The following CNTN3 variants were observed in gnomAD, a reference collection of about 807,000 sequenced individuals.
CNTN3 encodes the protein contactin-3.
In CNTN3, 60 loss-of-function variants were observed where a neutral mutation model predicts 119.1. The ratio of observed to expected loss-of-function variants is 0.50; its 90% confidence interval spans 0.41 to 0.62. The LOEUF is 0.62. Ranked by LOEUF, CNTN3 falls within the 20% of genes least tolerant of loss-of-function variation. The pLI is 0.00. For synonymous variants in CNTN3, 450 were observed against 438.7 expected (o/e 1.03, Z -0.32); for missense variants, 1,101 against 1,242.4 (o/e 0.89, Z 1.71).
chr3:74,332,053 CT>C (rs1230627502), intron 13 of CNTN3, among the ~76,000 whole-genome samples: 1 of 152,186 alleles, frequency 6.6e-6, no homozygotes, highest in Admixed American at 6.5e-5. Flanking sequence ...TGAACTACCC[CT>C]AACCTATTTT....
intron 3 of CNTN3, among the ~76,000 whole-genome samples, chr3:74,496,522 T>G (rs917867285): frequency 1.1e-4 from 17 of 152,046 alleles, no homozygotes; most frequent in African/African-American, 4.1e-4. Context: ...TGTTGGCATG[T>G]ACCTATTTTA....
At chr3:74,433,634 T>C (rs1465438703) in intron 4 of CNTN3, among the ~76,000 whole-genome samples, 2 of 152,158 alleles carry the variant, frequency 1.3e-5, no homozygotes, top group South Asian at 4.1e-4. Context: ...TTCAGCTTCA[T>C]CTGCCTCCCA....
In CNTN3 at chr3:74,364,461, C is replaced by T. The variant is rs2106777677; in HGVS notation, c.1213+6G>A. ...TTAAGAGAAGAGCAGAGAAAATCAG[C>T]CTTACCAACAACTTTGAGCTCAGCA... is the stretch of plus-strand genomic sequence containing the variant. On this transcript the variant is annotated splice_donor_region_variant and intron_variant, in intron 10 of 22. Transcript: ENST00000263665. The T allele has an allele frequency of 6.2e-7, 1 of 1,608,798 alleles. No homozygotes were observed. The highest frequency in any genetic ancestry group is 1.1e-5 in the South Asian group (1 of 90,410).
At chr3:74,430,567 C>T (rs1040362048) in intron 4 of CNTN3, among the ~76,000 whole-genome samples, 1 of 151,816 alleles carries the variant, frequency 6.6e-6, no homozygotes, top group African/African-American at 2.4e-5. Flanking sequence ...ATAGTGAGAC[C>T]CCATCTCTTA....
In CNTN3 at chr3:74,264,510, G is replaced by A. The variant is rs1361185885; in HGVS notation, c.2987-9C>T. The A allele has an allele frequency of 5.1e-6, 8 of 1,571,926 alleles. No homozygotes were observed. In the African/African-American group the frequency reaches 1.1e-4, roughly 21 times the overall value. On this transcript the variant is annotated splice_polypyrimidine_tract_variant and intron_variant, in intron 22 of 22. Coordinates refer to ENST00000263665, the MANE Select transcript of CNTN3 (RefSeq NM_020872.3). The stretch of plus-strand genomic sequence containing the variant: ...TCCTCTTGCATCCATACCTGTCAAA[G>A]TTGATGAAGAGCTCATTAATAAGGA...
intron 13 of CNTN3, among the ~76,000 whole-genome samples, chr3:74,331,999 T>A (rs529275721): frequency 6.6e-6 from 1 of 152,234 alleles, no homozygotes; most frequent in Admixed American, 6.5e-5. Context: ...GTTCCAATAA[T>A]TGGCTGATTC....
At position 74,458,240 on chromosome 3, in the gene CNTN3, A is replaced by G. The variant is rs1013682082; in HGVS notation, c.358+28216T>C. 4.6e-5 allele frequency among the ~76,000 whole-genome samples: 7 copies of G among 152,010 alleles called. 1 individual carries two copies. Among genetic ancestry groups the G allele is most frequent in the African/African-American group, 4.8e-5 (2 of 41,428 alleles). On this transcript the variant is annotated intron_variant, in intron 4 of 22. Transcript: ENST00000263665. ...CAATTGAAAATCAAAAAACTTATAA[A>G]GTCATTAATAATAAAAGTAGTTTAT...
At chr3:74,521,551 T>A (rs745691087) in intron 1 of CNTN3, among the ~76,000 whole-genome samples, 1 of 151,768 alleles carries the variant, frequency 6.6e-6, no homozygotes, top group Non-Finnish European at 1.5e-5. Context: ...CTGGCAAAAC[T>A]AACAGAGTCA....
chr3:74,408,218 T>G (rs1701368845), intron 5 of CNTN3, among the ~76,000 whole-genome samples: 1 of 152,202 alleles, frequency 6.6e-6, no homozygotes, highest in African/African-American at 2.4e-5. Flanking sequence ...TTGTGTTACA[T>G]AAATCCCTGG....
chr3:74,278,882 A>C (rs963313343), intron 20 of CNTN3, among the ~76,000 whole-genome samples: 2 of 152,176 alleles, frequency 1.3e-5, no homozygotes, highest in Non-Finnish European at 2.9e-5. Flanking sequence ...AATATCCAGA[A>C]TCTACAACGA....
At chr3:74,520,917 T>TTA (rs1250654602) in intron 2 of CNTN3, 141 bp downstream of exon 2, 1 of 482,416 alleles carries the variant, frequency 2.1e-6, no homozygotes, top group African/African-American at 2.0e-5. Flanking sequence ...ATTAGAGAAT[T>TTA]TAAATTTTCC....
intron 2 of CNTN3, among the ~76,000 whole-genome samples, chr3:74,503,119 G>C (rs1182982523): frequency 6.6e-6 from 1 of 152,134 alleles, no homozygotes; most frequent in Non-Finnish European, 1.5e-5. Flanking sequence ...GGCCTAGAAA[G>C]GTTAAATGAC....
At chr3:74,547,484 G>T (rs1353676985) in intron 1 of CNTN3, among the ~76,000 whole-genome samples, 1 of 152,040 alleles carries the variant, frequency 6.6e-6, no homozygotes, top group African/African-American at 2.4e-5. Context: ...TTATTTTACT[G>T]AAAGGGTGAA....
intron 4 of CNTN3, among the ~76,000 whole-genome samples, chr3:74,426,140 G>C (rs1207742440): frequency 6.6e-6 from 1 of 152,084 alleles, no homozygotes; most frequent in Non-Finnish European, 1.5e-5. Flanking sequence ...AAATTCCGTT[G>C]ACTTCATTTT....
chr3:74,266,431 G>A (rs571596012), intron 22 of CNTN3, 50 bp downstream of exon 22: 2 of 1,520,450 alleles, frequency 1.3e-6, no homozygotes, highest in African/African-American at 1.4e-5. Context: ...CACTATGGCG[G>A]ATAGTAACAC....
rs576434716 is a variant in CNTN3 at position 74,440,439 on chromosome 3, A to G, written c.359-15499T>C. On this transcript the variant is annotated intron_variant, in intron 4 of 22. Coordinates refer to ENST00000263665, the MANE Select transcript of CNTN3 (RefSeq NM_020872.3). The stretch of plus-strand genomic sequence containing the variant: ...CATAGTTGATTTCTGTTCTCCTGCT[A>G]CAGATCTCTTGAATCGCCAACTTAA... Among the ~76,000 whole-genome samples the G allele has an allele frequency of 6.6e-5, 10 of 151,922 alleles. No homozygotes were observed. In the East Asian group the frequency reaches 1.9e-3, roughly 30 times the overall value.
At chr3:74,368,814 T>C (rs1010319728) in intron 8 of CNTN3, among the ~76,000 whole-genome samples, 16 of 151,984 alleles carry the variant, frequency 1.1e-4, no homozygotes, top group Admixed American at 3.9e-4. Flanking sequence ...TTTTTTTTTT[T>C]TCTCTTTAGT....
chr3:74,301,687 A>G lies in CNTN3; in HGVS notation c.1905T>C (p.Ala635=). ...GCCAACCCACGGAGAAAGGTGTCCG[A>G]GCCTGGATAGAATAGGATATAACTG... ...HSPVISYSIQ[A]RTPFSVGWQT... is the part of the protein sequence containing the mutation. Residue 635 remains alanine, a synonymous_variant, in exon 15 of 23, where the codon GCT becomes GCC. Coordinates refer to ENST00000263665, the MANE Select transcript of CNTN3 (RefSeq NM_020872.3). The G allele has an allele frequency of 6.2e-7, 1 of 1,614,076 alleles. No homozygotes were observed. Among genetic ancestry groups the G allele is most frequent in the Non-Finnish European group, 8.5e-7 (1 of 1,179,958 alleles).
intron 1 of CNTN3, among the ~76,000 whole-genome samples, chr3:74,540,105 C>T (rs1703822294): frequency 6.6e-6 from 1 of 152,122 alleles, no homozygotes; most frequent in Non-Finnish European, 1.5e-5. Flanking sequence ...TGGCAGCCAT[C>T]CATGTTTGAA....
Sources: allele counts gnomAD v4.1 joint callset (sites outside exome capture counted in the v4.1 genomes callset), GRCh38; gene constraint gnomAD v4.1.1; transcripts MANE v1.5; gene names NCBI Gene and HGNC (gene_info 2026-07-23, HGNC 2026-07-21).